RBFOX1: variants seen among roughly 807,000 people sequenced by gnomAD.
The protein encoded by RBFOX1 is RNA binding protein fox-1 homolog 1.
Under a neutral mutation model 57.7 loss-of-function variants are expected in RBFOX1, and 8 were observed. The ratio of observed to expected loss-of-function variants is 0.14; its 90% CI spans 0.08 to 0.25. RBFOX1 has a LOEUF of 0.25. Among genes scored for constraint, RBFOX1 ranks in the 10% least tolerant of loss-of-function variants. The pLI is 1.00. For synonymous variants in RBFOX1, 326 were observed against 222.4 expected (o/e 1.47, Z -4.15); for missense variants, 611 against 548.5 (o/e 1.11, Z -1.14).
intron 4 of RBFOX1, among the ~76,000 whole-genome samples, chr16:7,149,336 C>G (rs1344415144): frequency 6.6e-6 from 1 of 152,100 alleles, no homozygotes; most frequent in Non-Finnish European, 1.5e-5. Flanking sequence ...AGTCAAGTCT[C>G]TTGGTTTTAT....
chr16:7,032,336 T>C (rs1263703868), intron 3 of RBFOX1, among the ~76,000 whole-genome samples: 1 of 151,956 alleles, frequency 6.6e-6, no homozygotes, highest in Non-Finnish European at 1.5e-5. Context: ...TCCTAGCTAC[T>C]TGGGAGGCTG....
chr16:5,382,555 C>A (rs1443235085), intron 1 of RBFOX1, among the ~76,000 whole-genome samples: 1 of 152,130 alleles, frequency 6.6e-6, no homozygotes, highest in Non-Finnish European at 1.5e-5. Flanking sequence ...CTCACCTCCT[C>A]GTCTGTACTT....
chr16:6,362,028 G>C (rs1425280004), intron 2 of RBFOX1, among the ~76,000 whole-genome samples: 1 of 152,096 alleles, frequency 6.6e-6, no homozygotes, highest in South Asian at 2.1e-4. Flanking sequence ...AGGAGCTTAT[G>C]TTCTAGTGTC....
intron 3 of RBFOX1, among the ~76,000 whole-genome samples, chr16:6,994,860 G>C (rs890183790): frequency 1.3e-5 from 2 of 152,110 alleles, no homozygotes; most frequent in African/African-American, 4.8e-5. Flanking sequence ...CACAAGGTGA[G>C]ATGTTATCAA....
intron 3 of RBFOX1, among the ~76,000 whole-genome samples, chr16:5,774,816 G>A (rs2054093173): frequency 6.6e-6 from 1 of 152,180 alleles, no homozygotes; most frequent in African/African-American, 2.4e-5. Flanking sequence ...CCAAGTAGCT[G>A]GGATTGCAGG....
intron 5 of RBFOX1, among the ~76,000 whole-genome samples, chr16:7,522,117 C>T (rs1270656058): frequency 1.3e-5 from 2 of 152,176 alleles, no homozygotes; most frequent in African/African-American, 4.8e-5. Context: ...TATCCAAATA[C>T]ATGGAATGAA....
chr16:5,852,321 G>C (rs2056917327), intron 3 of RBFOX1, among the ~76,000 whole-genome samples: 1 of 152,140 alleles, frequency 6.6e-6, no homozygotes, highest in African/African-American at 2.4e-5. Context: ...AGGATTGCAG[G>C]CGTGCTCACA....
intron 3 of RBFOX1, among the ~76,000 whole-genome samples, chr16:7,043,289 C>G (rs1438078358): frequency 1.3e-5 from 2 of 152,120 alleles, no homozygotes; most frequent in Non-Finnish European, 2.9e-5. Flanking sequence ...CACATACGAC[C>G]CTGTATCATC....
chr16:6,880,013 C>T (rs181982620), intron 3 of RBFOX1, among the ~76,000 whole-genome samples: 4 of 152,240 alleles, frequency 2.6e-5, no homozygotes, highest in Admixed American at 2.6e-4. Context: ...ATCTTTCATA[C>T]TTGAAGCGCC....
intron 3 of RBFOX1, among the ~76,000 whole-genome samples, chr16:5,690,468 G>A (rs753580942): frequency 5.3e-5 from 8 of 152,118 alleles, no homozygotes; most frequent in Non-Finnish European, 8.8e-5. Context: ...AGGAGAACTG[G>A]ACAAAATACT....
At chr16:6,822,330 G>T (rs2091448195) in intron 3 of RBFOX1, among the ~76,000 whole-genome samples, 1 of 152,182 alleles carries the variant, frequency 6.6e-6, no homozygotes. Context: ...TTCAATGCCT[G>T]TTGACTCTCA....
chr16:6,715,529 C>T (rs889120238), intron 3 of RBFOX1, among the ~76,000 whole-genome samples: 1 of 152,128 alleles, frequency 6.6e-6, no homozygotes, highest in Non-Finnish European at 1.5e-5. Flanking sequence ...TATTCTCTAA[C>T]GGAACTTTAT....
chr16:6,060,122 G>GTTTTTTGTTTTTTTTTTTTTTTTTTTTT (rs1567355465), intron 1 of RBFOX1, among the ~76,000 whole-genome samples: 13 of 114,208 alleles, frequency 1.1e-4, no homozygotes, highest in East Asian at 7.9e-4. Context: ...TAGGATTAGG[G>GTTTTTTGTTTTTTTTTTTTTTTTTTTTT]TTTTTTTTTT....
At chr16:6,748,602 T>C (rs1170747801) in intron 3 of RBFOX1, among the ~76,000 whole-genome samples, 2 of 152,138 alleles carry the variant, frequency 1.3e-5, no homozygotes, top group Non-Finnish European at 2.9e-5. Flanking sequence ...GAGGCTGTTG[T>C]GAGTTATAAT....
chr16:5,710,948 A>G (rs564059280), intron 3 of RBFOX1, among the ~76,000 whole-genome samples: 1 of 152,344 alleles, frequency 6.6e-6, no homozygotes, highest in East Asian at 1.9e-4. Flanking sequence ...TCCTTCACCT[A>G]TTAAAAACAT....
chr16:7,403,429 C>G (rs1259026330), intron 4 of RBFOX1, among the ~76,000 whole-genome samples: 2 of 152,200 alleles, frequency 1.3e-5, no homozygotes, highest in African/African-American at 4.8e-5. Context: ...TCCTGTCTGT[C>G]TATTCCTACG....
At chr16:7,248,520 A>G (rs969266499) in intron 4 of RBFOX1, among the ~76,000 whole-genome samples, 1 of 152,206 alleles carries the variant, frequency 6.6e-6, no homozygotes, top group Non-Finnish European at 1.5e-5. Flanking sequence ...GGGTAGCATT[A>G]CTTAATTTCA....
At chr16:5,371,894 G>A (rs1051730976) in intron 1 of RBFOX1, among the ~76,000 whole-genome samples, 2 of 152,166 alleles carry the variant, frequency 1.3e-5, no homozygotes, top group African/African-American at 2.4e-5. Flanking sequence ...CCGAGTCAAC[G>A]GGAGGTTTCC....
At chr16:6,038,987 T>A (rs569212142) in intron 1 of RBFOX1, 1 of 129,120 alleles carries the variant, frequency 7.7e-6, no homozygotes, top group East Asian at 2.3e-4. Flanking sequence ...TGTCCTCTGC[T>A]CTCTTCATGT....
Sources: gnomAD v4.1 joint callset for allele counts (sites outside exome capture counted in the v4.1 genomes callset) on GRCh38, gnomAD v4.1.1 for gene constraint, MANE v1.5 for transcripts, NCBI Gene and HGNC (gene_info 2026-07-23, HGNC 2026-07-21) for gene names.